Variants in KCNH5 observed in about 807,000 individuals in gnomAD.
KCNH5 encodes potassium voltage-gated channel subfamily H member 5.
A neutral mutation model predicts 96.1 loss-of-function variants in KCNH5; 46 were observed. The observed-to-expected ratio is 0.48, with a 90% CI of 0.38 to 0.61. The LOEUF (loss-of-function observed/expected upper bound fraction) is 0.61, where lower values mean the gene tolerates loss of function less well. Ranked by LOEUF, KCNH5 falls within the 20% of genes least tolerant of loss-of-function variation. The pLI is 0.00. For missense variants in KCNH5, 907 were observed against 1,225.8 expected (o/e 0.74, Z 3.88); for synonymous variants, 439 against 449.8 (o/e 0.98, Z 0.30).
chr14:62,760,902 C>T (rs1413678754), intron 10 of KCNH5, among the ~76,000 whole-genome samples: 1 of 152,208 alleles, frequency 6.6e-6, no homozygotes, highest in Admixed American at 6.5e-5. Flanking sequence ...CACAGAGTAG[C>T]TATTTTCTCA....
chr14:62,888,492 T>A (rs1888642634), intron 7 of KCNH5, among the ~76,000 whole-genome samples: 1 of 152,182 alleles, frequency 6.6e-6, no homozygotes, highest in Non-Finnish European at 1.5e-5. Context: ...TGGGCAGGCA[T>A]CTGAAACAGA....
intron 4 of KCNH5, among the ~76,000 whole-genome samples, chr14:62,987,443 C>T (rs554925750): frequency 6.6e-6 from 1 of 152,192 alleles, no homozygotes; most frequent in African/African-American, 2.4e-5. Flanking sequence ...GCCAATGCAA[C>T]TAGCTATCCA....
chr14:62,979,695 T>C (rs1890569922), intron 6 of KCNH5, among the ~76,000 whole-genome samples: 1 of 152,202 alleles, frequency 6.6e-6, no homozygotes, highest in African/African-American at 2.4e-5. Context: ...TATTGACTCT[T>C]CTATATATTA....
At chr14:62,839,871 G>A (rs17256729) in intron 8 of KCNH5, among the ~76,000 whole-genome samples, 68,343 of 151,780 alleles carry the variant, frequency 0.45, 15,786 homozygotes, top group South Asian at 0.63. Flanking sequence ...AATCTTTCAC[G>A]TCCAAATTCT....
At chr14:62,804,205 A>G (rs950431429) in intron 8 of KCNH5, among the ~76,000 whole-genome samples, 5 of 152,024 alleles carry the variant, frequency 3.3e-5, no homozygotes, top group African/African-American at 1.2e-4. Context: ...GGTTTTTTTC[A>G]TACTCCCTCA....
At chr14:63,031,424 A>C (rs546310686) in intron 1 of KCNH5, among the ~76,000 whole-genome samples, 1 of 152,278 alleles carries the variant, frequency 6.6e-6, no homozygotes, top group South Asian at 2.1e-4. Flanking sequence ...CAATAAAGGC[A>C]ATATAAGAGC....
chr14:62,711,156 A>G (rs1479552592), intron 10 of KCNH5, among the ~76,000 whole-genome samples: 1 of 152,150 alleles, frequency 6.6e-6, no homozygotes, highest in Admixed American at 6.5e-5. Context: ...GTGTTGTAAG[A>G]CTGTAACATG....
intron 10 of KCNH5, among the ~76,000 whole-genome samples, chr14:62,766,868 G>A (rs1885872163): frequency 6.6e-6 from 1 of 152,074 alleles, no homozygotes. Flanking sequence ...GAATACTTGA[G>A]GGGATGGATA....
intron 6 of KCNH5, among the ~76,000 whole-genome samples, chr14:62,967,684 C>T (rs1890329142): frequency 1.3e-5 from 2 of 151,922 alleles, no homozygotes; most frequent in African/African-American, 4.8e-5. Context: ...CTGGAGCTTC[C>T]CCAAAAGCAG....
At chr14:62,745,588 C>G (rs367593625) in intron 10 of KCNH5, among the ~76,000 whole-genome samples, 5 of 152,166 alleles carry the variant, frequency 3.3e-5, no homozygotes, top group African/African-American at 1.2e-4. Context: ...GAAGCCAGGG[C>G]CAGAGAGACT....
At chr14:62,949,996 T>C in intron 7 of KCNH5, 137 bp downstream of exon 7, 3 of 694,682 alleles carry the variant, frequency 4.3e-6, no homozygotes. Flanking sequence ...CTAAGGTAGA[T>C]TAAAAAAAAC....
intron 8 of KCNH5, among the ~76,000 whole-genome samples, chr14:62,809,692 A>T (rs1379473276): frequency 6.6e-6 from 1 of 152,172 alleles, no homozygotes; most frequent in Non-Finnish European, 1.5e-5. Context: ...TATACAAATT[A>T]TCACGCCAAG....
intron 7 of KCNH5, among the ~76,000 whole-genome samples, chr14:62,872,113 T>C (rs1409783174): frequency 6.6e-6 from 1 of 152,230 alleles, no homozygotes; most frequent in Non-Finnish European, 1.5e-5. Flanking sequence ...CCTCTTTGAT[T>C]CTTTCACAAT....
chr14:62,813,938 G>A (rs1886922209), intron 8 of KCNH5, among the ~76,000 whole-genome samples: 1 of 152,162 alleles, frequency 6.6e-6, no homozygotes, highest in Non-Finnish European at 1.5e-5. Context: ...GCAAAAGGAA[G>A]TTGCTCTCTG....
intron 7 of KCNH5, among the ~76,000 whole-genome samples, chr14:62,934,537 T>G (rs1001561271): frequency 1.3e-5 from 2 of 152,310 alleles, no homozygotes; most frequent in Admixed American, 1.3e-4. Context: ...GGCCTCAGCA[T>G]GATCGAGGAT....
chr14:62,916,006 G>A (rs920190468), intron 7 of KCNH5, among the ~76,000 whole-genome samples: 2 of 147,828 alleles, frequency 1.4e-5, no homozygotes, highest in Non-Finnish European at 3.0e-5. Flanking sequence ...CCAGGCTGGA[G>A]TGCAGTGGAG....
chr14:62,948,047 A>T (rs1889926624), intron 7 of KCNH5, among the ~76,000 whole-genome samples: 1 of 150,580 alleles, frequency 6.6e-6, no homozygotes, highest in Non-Finnish European at 1.5e-5. Flanking sequence ...CTCATTGTTC[A>T]ATTCCCACCT....
chr14:62,847,027 C>A (rs1887711814), intron 8 of KCNH5, among the ~76,000 whole-genome samples: 2 of 149,398 alleles, frequency 1.3e-5, no homozygotes, highest in Non-Finnish European at 3.0e-5. Context: ...GTCTCAATCT[C>A]CTGACCTCGT....
At chr14:63,003,500 A>G (rs1182378274) in intron 3 of KCNH5, among the ~76,000 whole-genome samples, 3 of 123,096 alleles carry the variant, frequency 2.4e-5, no homozygotes, top group African/African-American at 1.0e-4. Flanking sequence ...TATTATATAT[A>G]TATTTTATAT....
Sources: allele counts gnomAD v4.1 joint callset (sites outside exome capture counted in the v4.1 genomes callset), GRCh38; gene constraint gnomAD v4.1.1; transcripts MANE v1.5; gene names NCBI Gene and HGNC (gene_info 2026-07-23, HGNC 2026-07-21).